Variants in FAF1 observed in about 807,000 individuals in gnomAD.
The protein encoded by FAF1 is Fas associated factor 1.
A neutral mutation model predicts 92.5 loss-of-function variants in FAF1; 25 were observed. That is an observed-to-expected ratio of 0.27 (90% confidence interval 0.20 to 0.38). The LOEUF is 0.38. Among genes scored for constraint, FAF1 ranks in the 10% least tolerant of loss-of-function variants. The probability of loss-of-function intolerance (pLI) is 1.00; values close to 1 mark genes in which losing one functional copy is unlikely to be tolerated. For missense variants in FAF1, 636 were observed against 793.3 expected (o/e 0.80, Z 2.38); for synonymous variants, 234 against 273.2 (o/e 0.86, Z 1.42).
At chr1:50,702,316 G>A (rs1192178931) in intron 7 of FAF1, among the ~76,000 whole-genome samples, 1 of 151,996 alleles carries the variant, frequency 6.6e-6, no homozygotes, top group Non-Finnish European at 1.5e-5. Flanking sequence ...ACAATAAACT[G>A]TTGACAAATC....
At chr1:50,916,712 T>C (rs192115925) in intron 1 of FAF1, among the ~76,000 whole-genome samples, 15 of 152,320 alleles carry the variant, frequency 9.8e-5, no homozygotes, top group Middle Eastern at 3.4e-3. Context: ...AGCCTTCATA[T>C]TACTTCTCCT....
intron 1 of FAF1, among the ~76,000 whole-genome samples, chr1:50,872,205 T>C (rs1016155726): frequency 1.3e-5 from 2 of 152,284 alleles, no homozygotes; most frequent in Middle Eastern, 3.4e-3. Context: ...ATGCCATTCA[T>C]AATTCATGGG....
chr1:50,515,521 T>C (rs1014284105), intron 15 of FAF1, among the ~76,000 whole-genome samples: 3 of 152,120 alleles, frequency 2.0e-5, no homozygotes, highest in African/African-American at 7.2e-5. Context: ...AAGACCATAG[T>C]TTGAAAAGCA....
intron 1 of FAF1, among the ~76,000 whole-genome samples, chr1:50,925,297 A>G (rs1465326987): frequency 6.6e-6 from 1 of 152,222 alleles, no homozygotes. Flanking sequence ...AAACACAGAC[A>G]ACAAGAATAG....
chr1:50,672,646 C>T (rs576138555), intron 7 of FAF1, among the ~76,000 whole-genome samples: 5 of 152,120 alleles, frequency 3.3e-5, no homozygotes, highest in East Asian at 1.9e-4. Context: ...TATATTGATA[C>T]TACTTAAGAA....
chr1:50,945,907 G>A (rs1645169388), intron 1 of FAF1, among the ~76,000 whole-genome samples: 1 of 152,164 alleles, frequency 6.6e-6, no homozygotes, highest in South Asian at 2.1e-4. Flanking sequence ...CTAGTACAGA[G>A]GCTGAACAGC....
chr1:50,481,320 A>G (rs751561499), intron 17 of FAF1, among the ~76,000 whole-genome samples: 8 of 152,192 alleles, frequency 5.3e-5, no homozygotes, highest in Non-Finnish European at 1.2e-4. Context: ...GAGCAACTTC[A>G]GTCTTGCAAG....
chr1:50,475,054 T>C (rs936722326), intron 18 of FAF1, among the ~76,000 whole-genome samples: 1 of 152,238 alleles, frequency 6.6e-6, no homozygotes, highest in Non-Finnish European at 1.5e-5. Context: ...ACACTGTTTG[T>C]TTTGCATGAC....
In FAF1 at chr1:50,621,906, C is replaced by G. The variant is rs535954135; in HGVS notation, c.745-25690G>C. Among the ~76,000 whole-genome samples, 12 of 152,276 alleles carry G rather than the reference C, an allele frequency of 7.9e-5. No homozygotes were observed. In the South Asian group the frequency reaches 2.5e-3, roughly 32 times the overall value. On this transcript the variant is annotated intron_variant, in intron 8 of 18. Transcript: ENST00000396153. ...GCTGGCCAGGCACAGTGGCTCACGC[C>G]TGTAATCCCAGCACTATGGGAGGCC... is the stretch of plus-strand genomic sequence containing the variant.
intron 12 of FAF1, among the ~76,000 whole-genome samples, chr1:50,573,824 A>C (rs918272536): frequency 2.0e-5 from 3 of 151,242 alleles, no homozygotes; most frequent in Admixed American, 2.0e-4. Context: ...AAACAAAAAA[A>C]AAAAAAACAA....
chr1:50,528,123 C>T (rs1161809860), intron 15 of FAF1, among the ~76,000 whole-genome samples: 2 of 152,070 alleles, frequency 1.3e-5, no homozygotes, highest in African/African-American at 4.8e-5. Flanking sequence ...CTACCTCAGC[C>T]TCCCAAAGTG....
At chr1:50,783,555 T>A (rs1661257798) in intron 4 of FAF1, among the ~76,000 whole-genome samples, 1 of 152,116 alleles carries the variant, frequency 6.6e-6, no homozygotes, top group South Asian at 2.1e-4. Flanking sequence ...GTGAGATTTA[T>A]CCCTGGGATG....
At chr1:50,674,044 A>T (rs908879670) in intron 7 of FAF1, among the ~76,000 whole-genome samples, 4 of 151,496 alleles carry the variant, frequency 2.6e-5, no homozygotes, top group African/African-American at 7.3e-5. Context: ...TCCGCCAGCC[A>T]GGTGCAAGTG....
chr1:50,572,944 C>T (rs1650514648), intron 12 of FAF1, among the ~76,000 whole-genome samples: 1 of 152,136 alleles, frequency 6.6e-6, no homozygotes, highest in Admixed American at 6.5e-5. Flanking sequence ...AGTGATCCTC[C>T]TGACCTGGCC....
intron 10 of FAF1, among the ~76,000 whole-genome samples, 174 bp downstream of exon 10, chr1:50,584,511 A>C (rs1572849990): frequency 6.6e-6 from 1 of 152,294 alleles, no homozygotes; most frequent in East Asian, 1.9e-4. Flanking sequence ...TTTTGAGTTT[A>C]ATAAAATCTA....
At chr1:50,442,168 A>G (rs936435907) in intron 18 of FAF1, among the ~76,000 whole-genome samples, 1 of 152,190 alleles carries the variant, frequency 6.6e-6, no homozygotes, top group African/African-American at 2.4e-5. Flanking sequence ...TACGTTAATC[A>G]TACAGGGATC....
intron 1 of FAF1, among the ~76,000 whole-genome samples, chr1:50,933,422 T>TA (rs1645063554): frequency 6.6e-6 from 1 of 152,172 alleles, no homozygotes. Flanking sequence ...TCTCTTTGCT[T>TA]AAAACATAAC....
intron 4 of FAF1, among the ~76,000 whole-genome samples, chr1:50,783,877 A>AAAC (rs1013860597): frequency 1.3e-5 from 2 of 152,250 alleles, no homozygotes; most frequent in East Asian, 1.9e-4. Context: ...TCCATCTCAA[A>AAAC]AACAACAACA....
chr1:50,575,110 G>A (rs981437117), intron 12 of FAF1, among the ~76,000 whole-genome samples: 8 of 151,806 alleles, frequency 5.3e-5, no homozygotes, highest in South Asian at 2.1e-4. Context: ...GGGTTTCACC[G>A]TGTTAGCCAG....
Sources: gnomAD v4.1 joint callset for allele counts (sites outside exome capture counted in the v4.1 genomes callset) on GRCh38, gnomAD v4.1.1 for gene constraint, MANE v1.5 for transcripts, NCBI Gene and HGNC (gene_info 2026-07-23, HGNC 2026-07-21) for gene names.